Variants in ALPL observed in about 807,000 individuals in gnomAD.
The protein encoded by ALPL is alkaline phosphatase, tissue-nonspecific isozyme.
Under a neutral mutation model 51.3 loss-of-function variants are expected in ALPL, and 42 were observed. The observed-to-expected ratio is 0.82, with a 90% CI of 0.64 to 1.06. ALPL has a LOEUF of 1.06. Ranked by LOEUF, ALPL falls within the 50% of genes least tolerant of loss-of-function variation. The pLI, the probability that ALPL is intolerant of heterozygous loss-of-function variation, is 0.00. For missense variants in ALPL, 589 were observed against 709.4 expected, an observed-to-expected ratio of 0.83 and a Z score of 1.93; for synonymous variants, 279 against 296.4, an observed-to-expected ratio of 0.94 and a Z score of 0.60.
rs1644511209 is a variant in ALPL at position 21,563,228 on chromosome 1, G to A, written c.416G>A (p.Cys139Tyr). 6.2e-7 allele frequency: 1 copy of A among 1,613,906 alleles called. No homozygotes were observed. The highest frequency in any genetic ancestry group is 8.5e-7 in the Non-Finnish European group (1 of 1,180,002). ...GVSAATERSR[C>Y]NTTQGNEVTS... ...AGCGCAGCCACTGAGCGTTCCCGGT[G>A]CAACACCACCCAGGGGAACGAGGTC... Residue 139 changes from cysteine to tyrosine, a missense_variant, in exon 5 of 12, where the codon TGC becomes TAC. Transcript: ENST00000374840.
At position 21,576,285 on chromosome 1, in the gene ALPL, GGGTGGATGGATGGA is replaced by G. The variant is rs1644735588; in HGVS notation, c.1190-236_1190-223del. ...TGGATGGATGGGTGGATGGATGGAT[GGGTGGATGGATGGA>G]TGGATGGGTGGATGGATGAATGGGA... is the stretch of plus-strand genomic sequence containing the variant. On this transcript the variant is annotated intron_variant, in intron 10 of 11. Transcript: ENST00000374840. Among the ~76,000 whole-genome samples the G allele has an allele frequency of 3.2e-4, 48 of 149,952 alleles. No individual in the cohort carries two copies. The South Asian group carries it at 9.6e-3, about 30-fold the overall frequency.
rs146470644 is a variant in ALPL, at chr1:21,513,059, CTAT to C, written c.-105+3566_-105+3568del. ...CCTGGCTGGTGTGGACTCGCCCTCT[CTAT>C]TATTATTATTATTATTATTATTACT... On this transcript the variant is annotated intron_variant, in intron 1 of 11. Transcript: ENST00000374840. 1.9e-3 allele frequency among the ~76,000 whole-genome samples: 283 copies of C among 150,846 alleles called. 1 individual carries two copies. Among genetic ancestry groups the C allele is most frequent in the African/African-American group, 6.5e-3 (266 of 41,160 alleles).
intron 1 of ALPL, among the ~76,000 whole-genome samples, chr1:21,511,756 C>A (rs1643692298): frequency 1.3e-5 from 2 of 152,200 alleles, no homozygotes; most frequent in South Asian, 4.1e-4. Flanking sequence ...TGTTCTTGTG[C>A]CTCACCGTGT....
In ALPL at chr1:21,577,535, G is replaced by A. The variant is rs1570310172; in HGVS notation, c.1462G>A (p.Ala488Thr). 1 of 1,606,684 alleles carries A rather than the reference G, an allele frequency of 6.2e-7. No individual in the cohort carries two copies. Among genetic ancestry groups the A allele is most frequent in the Non-Finnish European group, 8.5e-7 (1 of 1,179,882 alleles). ...NYVPHVMAYA[A>T]CIGANLGHCA... is the part of the protein sequence containing the mutation. ...CGTCCCCCACGTGATGGCGTATGCA[G>A]CCTGCATCGGGGCCAACCTCGGCCA... The change falls in exon 12 of 12, where the codon GCC (alanine) becomes ACC (threonine). Residue 488 changes from alanine to threonine, a missense_variant. Physicochemically the swap from Ala to Thr is moderately conservative, Grantham distance 58 (BLOSUM62 0). Coordinates refer to ENST00000374840, the MANE Select transcript of ALPL (RefSeq NM_000478.6).
intron 1 of ALPL, among the ~76,000 whole-genome samples, chr1:21,535,720 G>A (rs896461687): frequency 2.6e-5 from 4 of 152,136 alleles, no homozygotes; most frequent in African/African-American, 9.7e-5. Context: ...TAGCTTTCTC[G>A]TTTTCTTTAG....
intron 2 of ALPL, among the ~76,000 whole-genome samples, chr1:21,557,418 G>A (rs896541568): frequency 1.1e-4 from 17 of 152,246 alleles, no homozygotes; most frequent in African/African-American, 3.6e-4. Flanking sequence ...CCATTGCTGC[G>A]TCTGAGACCT....
rs139937135 is a variant in ALPL at position 21,549,946 on chromosome 1, G to A, written c.-104-4032G>A. ...AAGACTACAGAGTGCTGATAAAACC[G>A]AAGAACTCTGACTGAATGAGTGGAG... On this transcript the variant is annotated intron_variant, in intron 1 of 11. Transcript: ENST00000374840. Among the ~76,000 whole-genome samples, 35 of 152,282 alleles carry A rather than the reference G, an allele frequency of 2.3e-4. No individual in the cohort carries two copies. In the East Asian group the frequency reaches 4.8e-3, roughly 21 times the overall value.
chr1:21,553,820 C>T (rs1644362880), intron 1 of ALPL, among the ~76,000 whole-genome samples, 158 bp from the exon 2 acceptor site: 1 of 152,222 alleles, frequency 6.6e-6, no homozygotes, highest in African/African-American at 2.4e-5. Flanking sequence ...AGACAGGGAC[C>T]AGCTGGGTTT....
At chr1:21,556,714 G>A (rs1174279496) in intron 2 of ALPL, among the ~76,000 whole-genome samples, 2 of 152,120 alleles carry the variant, frequency 1.3e-5, no homozygotes, top group African/African-American at 4.8e-5. Flanking sequence ...CGAGGTAGGT[G>A]GATCACTTGA....
chr1:21,572,826 A>G (rs150337537), intron 8 of ALPL, among the ~76,000 whole-genome samples: 111 of 152,116 alleles, frequency 7.3e-4, no homozygotes, highest in African/African-American at 2.4e-3. Context: ...GAGCCCAGTG[A>G]GCAGGAGGGA....
intron 6 of ALPL, among the ~76,000 whole-genome samples, chr1:21,567,722 C>T (rs1415966728): frequency 1.3e-5 from 2 of 152,166 alleles, no homozygotes; most frequent in Non-Finnish European, 2.9e-5. Flanking sequence ...AAACAGGTGG[C>T]CAGGGTTTAT....
chr1:21,568,647 T>C (rs969664565), intron 7 of ALPL, among the ~76,000 whole-genome samples: 2 of 151,816 alleles, frequency 1.3e-5, no homozygotes, highest in Admixed American at 6.6e-5. Flanking sequence ...GGGGGACAGA[T>C]GACAGGGAGG....
At chr1:21,549,725 A>C (rs1644296889) in intron 1 of ALPL, among the ~76,000 whole-genome samples, 1 of 152,160 alleles carries the variant, frequency 6.6e-6, no homozygotes, top group African/African-American at 2.4e-5. Flanking sequence ...AGCCTCTCAA[A>C]GTGCTGGGAT....
chr1:21,576,253 TGATGGATGGATGGATGGGTGGATG>T (rs1249701984), intron 10 of ALPL, among the ~76,000 whole-genome samples: 2 of 57,380 alleles, frequency 3.5e-5, no homozygotes, highest in African/African-American at 1.1e-4. Flanking sequence ...GATGGATGGA[TGATGGATGGATGGATGGGTGGATG>T]GATGGATGGG....
At chr1:21,563,351 CTG>C in intron 5 of ALPL, 67 bp downstream of exon 5, 1 of 1,530,918 alleles carries the variant, frequency 6.5e-7, no homozygotes, top group South Asian at 1.3e-5. Flanking sequence ...GTCTTTCTGA[CTG>C]TGTCATGGGA....
intron 4 of ALPL, among the ~76,000 whole-genome samples, chr1:21,562,813 G>A (rs1467832945): frequency 1.3e-5 from 2 of 151,804 alleles, no homozygotes; most frequent in African/African-American, 2.4e-5. Flanking sequence ...CCCCAGGCCC[G>A]GAGAGAGGCC....
At chr1:21,552,119 T>TCCCCCCCCC (rs1217864179) in intron 1 of ALPL, among the ~76,000 whole-genome samples, 2 of 51,782 alleles carry the variant, frequency 3.9e-5, no homozygotes, top group African/African-American at 6.7e-5. Context: ...TCCCCTTCCC[T>TCCCCCCCCC]TTCCTCCCTC....
intron 9 of ALPL, chr1:21,574,020 C>G: frequency 1.0e-6 from 1 of 985,446 alleles, no homozygotes; most frequent in Non-Finnish European, 1.2e-6. Flanking sequence ...GTTCAGCAAT[C>G]CAGGAAGGCT....
In ALPL at chr1:21,554,012, G is replaced by GGC; in HGVS notation, c.-70_-69insGC. The GGC allele has an allele frequency of 1.0e-6, 1 of 995,214 alleles. No individual in the cohort carries two copies. The highest frequency in any genetic ancestry group is 1.6e-6 in the Non-Finnish European group (1 of 623,798). 61.6% of individuals were successfully genotyped at this position (995,214 alleles called of 1,614,324 possible). On this transcript the variant is annotated 5_prime_UTR_variant, in exon 2 of 12. Transcript: ENST00000374840. ...ATCAGTTAACATCTGACCACTGCCAGCCCACCCCCTCCCACCCACGTCGAT... is the reference window on the plus strand; with the variant it reads ...ATCAGTTAACATCTGACCACTGCCAGGCCCCACCCCCTCCCACCCACGTCGAT...
Sources: allele counts gnomAD v4.1 joint callset (sites outside exome capture counted in the v4.1 genomes callset), GRCh38; gene constraint gnomAD v4.1.1; transcripts MANE v1.5; gene names NCBI Gene and HGNC (gene_info 2026-07-23, HGNC 2026-07-21).